KAZN: variants seen among roughly 807,000 people sequenced by gnomAD.
The protein encoded by KAZN is kazrin.
Under a neutral mutation model 87.4 loss-of-function variants are expected in KAZN, and 40 were observed. The ratio of observed to expected loss-of-function variants is 0.46; its 90% CI spans 0.36 to 0.60. KAZN has a LOEUF of 0.60. KAZN is among the 20% of genes least tolerant of loss of function. KAZN has a pLI of 0.00. For synonymous variants in KAZN, 466 were observed against 458.3 expected (o/e 1.02, Z -0.22); for missense variants, 898 against 1,073.9 (o/e 0.84, Z 2.29).
intron 1 of KAZN, among the ~76,000 whole-genome samples, chr1:14,008,381 C>T (rs766767062): frequency 1.3e-5 from 2 of 152,130 alleles, no homozygotes; most frequent in Non-Finnish European, 2.9e-5. Context: ...GCAAATCAAA[C>T]CTACCTGATG....
intron 2 of KAZN, among the ~76,000 whole-genome samples, chr1:14,198,995 T>C (rs1007885365): frequency 6.6e-6 from 1 of 152,122 alleles, no homozygotes; most frequent in Admixed American, 6.5e-5. Context: ...TAAAAAAGAA[T>C]GGAGGAGTGG....
At chr1:14,197,866 G>C (rs2100392226) in intron 2 of KAZN, among the ~76,000 whole-genome samples, 1 of 152,296 alleles carries the variant, frequency 6.6e-6, no homozygotes, top group East Asian at 1.9e-4. Flanking sequence ...TTGATATGTG[G>C]AGTTGAGGAG....
intron 1 of KAZN, among the ~76,000 whole-genome samples, chr1:14,855,534 T>A (rs1649994525): frequency 6.6e-6 from 1 of 152,154 alleles, no homozygotes; most frequent in Non-Finnish European, 1.5e-5. Flanking sequence ...ATGAGATGGG[T>A]CGGGTCACTG....
intron 2 of KAZN, among the ~76,000 whole-genome samples, chr1:14,403,318 A>T (rs544263621): frequency 1.3e-5 from 2 of 152,210 alleles, no homozygotes; most frequent in Admixed American, 6.5e-5. Flanking sequence ...GCAAAAAGAA[A>T]ACTTTAAATC....
intron 2 of KAZN, among the ~76,000 whole-genome samples, chr1:14,181,329 T>C (rs1646193454): frequency 6.6e-6 from 1 of 152,222 alleles, no homozygotes; most frequent in Non-Finnish European, 1.5e-5. Context: ...TTTGTGTTCA[T>C]TTGCCCCGGG....
In KAZN at chr1:14,732,802, C is replaced by T. The variant is rs12029399; in HGVS notation, c.226+133579C>T. On this transcript the variant is annotated intron_variant, in intron 1 of 14. Coordinates refer to ENST00000376030, the MANE Select transcript of KAZN (RefSeq NM_201628.3). The stretch of plus-strand genomic sequence containing the variant: ...TGGTTAGGGATTTCTTTTGGCCCTA[C>T]GGTGCCATGAGAAAAATTACTGAGA... Among the ~76,000 whole-genome samples the T allele has an allele frequency of 5.4e-4, 82 of 152,132 alleles. 1 individual carries two copies. In the East Asian group the frequency reaches 0.013, roughly 24 times the overall value.
chr1:14,921,919 C>T (rs1008022008), intron 1 of KAZN, among the ~76,000 whole-genome samples: 24 of 152,276 alleles, frequency 1.6e-4, no homozygotes, highest in Non-Finnish European at 1.5e-4. Flanking sequence ...ACCATATTAG[C>T]CAGGCTGGTC....
chr1:14,414,811 G>A (rs1474227810), intron 2 of KAZN, among the ~76,000 whole-genome samples: 2 of 152,100 alleles, frequency 1.3e-5, no homozygotes, highest in Non-Finnish European at 2.9e-5. Flanking sequence ...GATCACCTGA[G>A]GTCAGGAGTT....
chr1:14,704,738 C>T (rs564314503), intron 1 of KAZN, among the ~76,000 whole-genome samples: 1 of 152,298 alleles, frequency 6.6e-6, no homozygotes, highest in South Asian at 2.1e-4. Flanking sequence ...CAGGAGGGAA[C>T]CTGTACAAAT....
chr1:14,863,207 A>G (rs892699792), intron 1 of KAZN, among the ~76,000 whole-genome samples: 5 of 152,180 alleles, frequency 3.3e-5, no homozygotes, highest in African/African-American at 1.2e-4. Flanking sequence ...GTTTGCCATC[A>G]ATGTGGGATC....
At chr1:13,956,093 C>T (rs1001244588) in intron 1 of KAZN, among the ~76,000 whole-genome samples, 6 of 152,136 alleles carry the variant, frequency 3.9e-5, no homozygotes, top group East Asian at 1.9e-4. Context: ...CAATTAGAAC[C>T]GGAAACTCAG....
intron 2 of KAZN, among the ~76,000 whole-genome samples, chr1:14,382,458 T>TCCC (rs1553164584): frequency 1.3e-4 from 5 of 38,004 alleles, no homozygotes; most frequent in Non-Finnish European, 1.4e-4. Context: ...CCCAATGCTA[T>TCCC]CCCTCCCCCC....
chr1:14,261,025 G>C (rs1300039246), intron 2 of KAZN, among the ~76,000 whole-genome samples: 1 of 152,216 alleles, frequency 6.6e-6, no homozygotes. Flanking sequence ...GTTATGTATA[G>C]TATGGGCTCT....
intron 2 of KAZN, among the ~76,000 whole-genome samples, chr1:14,419,301 A>C (rs147972060): frequency 6.6e-6 from 1 of 152,152 alleles, no homozygotes; most frequent in Admixed American, 6.5e-5. Context: ...CAAAAGAAAG[A>C]AAGGCCGGGT....
chr1:14,212,748 C>A (rs1476944141), intron 2 of KAZN, among the ~76,000 whole-genome samples: 3 of 152,142 alleles, frequency 2.0e-5, no homozygotes, highest in African/African-American at 7.2e-5. Context: ...AGAAACAAAG[C>A]TGATTATATT....
At chr1:14,649,152 C>T (rs1681034703) in intron 1 of KAZN, among the ~76,000 whole-genome samples, 1 of 152,134 alleles carries the variant, frequency 6.6e-6, no homozygotes, top group Non-Finnish European at 1.5e-5. Context: ...GTGGCCAGGC[C>T]CTGAATTTTT....
intron 4 of KAZN, among the ~76,000 whole-genome samples, chr1:15,046,335 T>C (rs1344322657): frequency 1.3e-5 from 2 of 150,004 alleles, no homozygotes; most frequent in East Asian, 3.9e-4. Flanking sequence ...GAAAATATAT[T>C]TGCTATTAAT....
chr1:14,976,343 T>C (rs528460183), intron 2 of KAZN, among the ~76,000 whole-genome samples: 1 of 152,170 alleles, frequency 6.6e-6, no homozygotes, highest in South Asian at 2.1e-4. Flanking sequence ...AGGCCTACTG[T>C]GGAGGCCAGT....
intron 2 of KAZN, among the ~76,000 whole-genome samples, chr1:14,419,786 G>C (rs1228523185): frequency 6.6e-6 from 1 of 152,092 alleles, no homozygotes; most frequent in African/African-American, 2.4e-5. Flanking sequence ...CTCCCATCCG[G>C]AGTTGTTCAT....
Sources: gnomAD v4.1 joint callset for allele counts (sites outside exome capture counted in the v4.1 genomes callset) on GRCh38, gnomAD v4.1.1 for gene constraint, MANE v1.5 for transcripts, NCBI Gene and HGNC (gene_info 2026-07-23, HGNC 2026-07-21) for gene names.